Variants in EHMT1 observed in about 807,000 individuals in gnomAD.
The protein encoded by EHMT1 is histone-lysine N-methyltransferase EHMT1.
Under a neutral mutation model 147.2 loss-of-function variants are expected in EHMT1, and 15 were observed. That is an observed-to-expected ratio of 0.10 (90% confidence interval 0.07 to 0.16). The LOEUF (loss-of-function observed/expected upper bound fraction) is 0.16, where lower values mean the gene tolerates loss of function less well. EHMT1 is among the 10% of genes least tolerant of loss of function. The pLI, the probability that EHMT1 is intolerant of heterozygous loss-of-function variation, is 1.00. For missense variants in EHMT1, 1,587 were observed against 1,772.4 expected, an observed-to-expected ratio of 0.90 and a Z score of 1.88; for synonymous variants, 795 against 709.6, an observed-to-expected ratio of 1.12 and a Z score of -1.91.
intron 1 of EHMT1, among the ~76,000 whole-genome samples, chr9:137,661,725 A>G (rs141832500): frequency 0.03 from 4,495 of 152,120 alleles, 192 homozygotes; most frequent in African/African-American, 0.1. Flanking sequence ...ACTTCAGGTG[A>G]TCCACCCACC....
intron 4 of EHMT1, among the ~76,000 whole-genome samples, chr9:137,728,804 A>G (rs1298096337): frequency 2.0e-5 from 3 of 152,288 alleles, no homozygotes; most frequent in African/African-American, 4.8e-5. Flanking sequence ...CACTTGGTCT[A>G]TGTGGGGAGA....
At chr9:137,815,870 A>G in intron 22 of EHMT1, 77 bp from the exon 23 acceptor site, 1 of 1,241,296 alleles carries the variant, frequency 8.1e-7, no homozygotes, top group South Asian at 1.3e-5. Flanking sequence ...CTGGGCACTT[A>G]GTAGAAATGG....
intron 25 of EHMT1, chr9:137,823,474 C>G (rs1198140899): frequency 8.6e-6 from 3 of 348,190 alleles, no homozygotes; most frequent in Admixed American, 3.8e-5. Flanking sequence ...TGCAGTGACA[C>G]AATCTCGGCT....
intron 1 of EHMT1, among the ~76,000 whole-genome samples, chr9:137,678,706 A>C (rs898121398): frequency 2.8e-5 from 4 of 143,224 alleles, no homozygotes; most frequent in South Asian, 2.3e-4. Context: ...AGTTATATGA[A>C]TGTCCCCCCC....
rs754206254 is a variant in EHMT1 at position 137,775,248 on chromosome 9, C to T, written c.1787C>T (p.Thr596Ile). ...TGTCCTGGCTGTGGCTACTTCTGCA[C>T]AGCGGTAAGAGCCCAGTCCGGCAGC... Reference protein sequence around the residue: ...QCCPGCGYFCTAGNFMECQPE... With the variant: ...QCCPGCGYFCIAGNFMECQPE... Residue 596 changes from threonine to isoleucine, a missense_variant, in exon 11 of 27, where the codon ACA becomes ATA. This residue lies in a region of EHMT1 where 124 missense variants were observed against 197.8 expected (regional missense o/e 0.63). Coordinates refer to ENST00000460843, the MANE Select transcript of EHMT1 (RefSeq NM_024757.5). The surrounding 1 kb of genome is among the most constrained non-coding windows in gnomAD (Gnocchi z 6.1). 2 of 1,610,884 alleles carry T rather than the reference C, an allele frequency of 1.2e-6. No individual in the cohort carries two copies. The highest frequency in any genetic ancestry group is 2.2e-5 in the East Asian group (1 of 44,858).
intron 1 of EHMT1, among the ~76,000 whole-genome samples, chr9:137,696,673 G>A (rs1050675353): frequency 6.6e-6 from 1 of 152,164 alleles, no homozygotes; most frequent in African/African-American, 2.4e-5. Flanking sequence ...GTAGAATCAC[G>A]AAGATAAGTT....
intron 1 of EHMT1, among the ~76,000 whole-genome samples, chr9:137,628,505 A>C (rs889862755): frequency 6.6e-6 from 1 of 152,140 alleles, no homozygotes; most frequent in African/African-American, 2.4e-5. Context: ...CCGATCTCCA[A>C]CTGGGCTCAG....
chr9:137,810,386 T>A (rs1199870489), intron 18 of EHMT1, among the ~76,000 whole-genome samples: 11 of 152,258 alleles, frequency 7.2e-5, no homozygotes, highest in African/African-American at 2.7e-4. Context: ...GGCATCAGGC[T>A]TAGGAAACAG....
rs936963604 is a variant in EHMT1 at position 137,782,171 on chromosome 9, C to T, written c.2276-120C>T. ...GCTGTGGGCGGGTTCCGGCGTGGCTCGAGGTGGCTGTTTATGTGGAGGATG... is the reference window on the plus strand; with the variant it reads ...GCTGTGGGCGGGTTCCGGCGTGGCTTGAGGTGGCTGTTTATGTGGAGGATG... On this transcript the variant is annotated intron_variant, in intron 14 of 26. Coordinates refer to ENST00000460843, the MANE Select transcript of EHMT1 (RefSeq NM_024757.5). This position sits in a 1 kb window ranked among gnomAD's most constrained non-coding sequence, Gnocchi z 5.7. The T allele has an allele frequency of 9.7e-6, 9 of 925,420 alleles. No individual in the cohort carries two copies. Among genetic ancestry groups the T allele is most frequent in the Middle Eastern group, 2.3e-4 (1 of 4,386 alleles). The allele number at this position is 925,420 out of a possible 1,614,324, so 57.3% of individuals were successfully genotyped here.
At position 137,782,040 on chromosome 9, in the gene EHMT1, T is replaced by C. The variant is rs961325966; in HGVS notation, c.2276-251T>C. The stretch of plus-strand genomic sequence containing the variant: ...AAGGAACCTCAGAGTTAGAGCAGGG[T>C]GGTAAAGGGAAGAGCGTGCCTTGCC... On this transcript the variant is annotated intron_variant, in intron 14 of 26. Transcript: ENST00000460843. This position sits in a 1 kb window ranked among gnomAD's most constrained non-coding sequence, Gnocchi z 5.7. 3.3e-5 allele frequency among the ~76,000 whole-genome samples: 5 copies of C among 151,846 alleles called. No homozygotes were observed. Among genetic ancestry groups the C allele is most frequent in the Non-Finnish European group, 5.9e-5 (4 of 67,956 alleles).
At chr9:137,789,070 A>C (rs1952273208) in intron 15 of EHMT1, 2 of 152,370 alleles carry the variant, frequency 1.3e-5, no homozygotes, top group South Asian at 4.1e-4. Flanking sequence ...CTGTGTTCTC[A>C]TGGGCGGGGT....
chr9:137,740,321 C>T (rs1947942832), intron 4 of EHMT1, among the ~76,000 whole-genome samples: 1 of 152,034 alleles, frequency 6.6e-6, no homozygotes, highest in Non-Finnish European at 1.5e-5. Flanking sequence ...GCCCCCCCCT[C>T]GCCCCCCTTC....
Position 137,787,616 on chromosome 9 carries a change from A to C in EHMT1, c.2383-3232A>C. On this transcript the variant is annotated intron_variant, in intron 15 of 26. Transcript: ENST00000460843. This position sits in a 1 kb window ranked among gnomAD's most constrained non-coding sequence, Gnocchi z 4.2. ...ACCGCCTCGCCTTGGCTCCCTGGCA[A>C]CAAGCTGGGGGTGGAAGCGGGAGGG... 3.9e-6 allele frequency: 2 copies of C among 515,550 alleles called. No homozygotes were observed. Among genetic ancestry groups the C allele is most frequent in the Non-Finnish European group, 3.5e-6 (1 of 285,256 alleles). The allele number at this position is 515,550 out of a possible 1,614,324, so 31.9% of individuals were successfully genotyped here.
intron 1 of EHMT1, among the ~76,000 whole-genome samples, chr9:137,653,304 C>T (rs1355300092): frequency 6.6e-6 from 1 of 152,174 alleles, no homozygotes; most frequent in African/African-American, 2.4e-5. Context: ...CAGTAACATG[C>T]TGCATAGGTT....
intron 1 of EHMT1, among the ~76,000 whole-genome samples, chr9:137,691,137 A>G (rs774911802): frequency 2.0e-5 from 3 of 151,548 alleles, no homozygotes; most frequent in Non-Finnish European, 4.4e-5. Flanking sequence ...CCACCTTTCT[A>G]TTTCCTGTCT....
intron 1 of EHMT1, among the ~76,000 whole-genome samples, chr9:137,669,705 G>C (rs1302617419): frequency 2.6e-5 from 4 of 151,532 alleles, no homozygotes; most frequent in African/African-American, 4.9e-5. Context: ...GTAAAAAAAA[G>C]CTTTGCTTTT....
chr9:137,622,870 G>T (rs903541625), intron 1 of EHMT1, among the ~76,000 whole-genome samples: 1 of 148,418 alleles, frequency 6.7e-6, no homozygotes, highest in African/African-American at 2.5e-5. Context: ...TTGTGCCACT[G>T]CCCTGCAGCC....
At chr9:137,622,928 C>T (rs937745551) in intron 1 of EHMT1, among the ~76,000 whole-genome samples, 2 of 141,846 alleles carry the variant, frequency 1.4e-5, no homozygotes, top group Admixed American at 7.1e-5. Context: ...AAAAAAAATA[C>T]AGCCAGGCGC....
intron 1 of EHMT1, among the ~76,000 whole-genome samples, chr9:137,704,797 C>T (rs1944116537): frequency 7.0e-6 from 1 of 143,412 alleles, no homozygotes; most frequent in Admixed American, 7.0e-5. Context: ...CCTTCCCTCC[C>T]TCCCGCCCTC....
Sources: gnomAD v4.1 joint callset for allele counts (sites outside exome capture counted in the v4.1 genomes callset) on GRCh38, gnomAD v4.1.1 for gene constraint, gnomAD v4.1.1 regional missense constraint, Gnocchi (gnomAD v3.1) non-coding constraint, MANE v1.5 for transcripts, NCBI Gene and HGNC (gene_info 2026-07-23, HGNC 2026-07-21) for gene names.